The following KLF8 variants were observed in gnomAD, a reference collection of about 807,000 sequenced individuals.
The protein encoded by KLF8 is Krueppel-like factor 8.
A neutral mutation model predicts 18.2 loss-of-function variants in KLF8; 10 were observed. That is an observed-to-expected ratio of 0.55 (90% CI 0.34 to 0.93). The LOEUF (loss-of-function observed/expected upper bound fraction) is 0.93, where lower values mean the gene tolerates loss of function less well. Among genes scored for constraint, KLF8 ranks in the 40% least tolerant of loss-of-function variants. The pLI is 0.02. For synonymous variants in KLF8, 109 were observed against 97.3 expected (o/e 1.12, Z -0.71); for missense variants, 264 against 277.9 (o/e 0.95, Z 0.36).
chrX:56,045,381 CTT>C, the KLF8 span, among the ~76,000 whole-genome samples: 153 of 109,991 alleles, frequency 1.4e-3, no homozygotes, highest in African/African-American at 4.5e-3. Flanking sequence ...CCTATGAAAA[CTT>C]TTTTTTTCGT....
chrX:56,140,797 TA>T, the KLF8 span, among the ~76,000 whole-genome samples: 8,326 of 43,847 alleles, frequency 0.19, 494 homozygotes, highest in Non-Finnish European at 0.26. Flanking sequence ...GCCCCTCCAG[TA>T]AAAAAAAAAA....
At chrX:56,080,049 T>C in the KLF8 span, among the ~76,000 whole-genome samples, 2 of 111,265 alleles carry the variant, frequency 1.8e-5, no homozygotes, top group South Asian at 3.9e-4. Flanking sequence ...TGTCTCTGCA[T>C]GTGAGATGGG....
the KLF8 span, among the ~76,000 whole-genome samples, chrX:56,118,880 G>T: frequency 9.0e-6 from 1 of 111,416 alleles, no homozygotes; most frequent in Non-Finnish European, 1.9e-5. Context: ...TTCATTTGTT[G>T]TATATATGTA....
chrX:56,055,435 G>A, the KLF8 span, among the ~76,000 whole-genome samples: 1 of 111,847 alleles, frequency 8.9e-6, no homozygotes, highest in East Asian at 2.8e-4. Flanking sequence ...GAAGTTCACT[G>A]TTTGTCTGAT....
chrX:55,938,669 G>A, the KLF8 span, among the ~76,000 whole-genome samples: 2 of 110,847 alleles, frequency 1.8e-5, no homozygotes, highest in Admixed American at 9.6e-5. Flanking sequence ...AAAATAAAGG[G>A]ATGGAGGAAG....
chrX:56,154,596 T>A, the KLF8 span, among the ~76,000 whole-genome samples: 1 of 111,714 alleles, frequency 9.0e-6, no homozygotes, highest in Non-Finnish European at 1.9e-5. Flanking sequence ...AAGACAAAAT[T>A]GACAAATGGG....
the KLF8 span, among the ~76,000 whole-genome samples, chrX:55,981,665 T>C: frequency 1.8e-5 from 2 of 111,928 alleles, no homozygotes; most frequent in South Asian, 3.7e-4. Context: ...TGAATTAACC[T>C]CAAATTCACC....
the KLF8 span, among the ~76,000 whole-genome samples, chrX:55,923,223 G>GA: frequency 9.6e-6 from 1 of 103,966 alleles, no homozygotes; most frequent in Non-Finnish European, 1.9e-5. Context: ...AGTTAACACA[G>GA]AAAAAGAAAA....
At chrX:56,098,106 A>T in the KLF8 span, among the ~76,000 whole-genome samples, 1 of 111,525 alleles carries the variant, frequency 9.0e-6, no homozygotes, top group Admixed American at 9.6e-5. Flanking sequence ...CTGGTTGTTA[A>T]AAAGAGCCTG....
chrX:56,095,089 C>T, the KLF8 span, among the ~76,000 whole-genome samples: 1 of 110,990 alleles, frequency 9.0e-6, no homozygotes, highest in Non-Finnish European at 1.9e-5. Flanking sequence ...TATTATATTA[C>T]CTGAAAACAG....
the KLF8 span, among the ~76,000 whole-genome samples, chrX:55,941,779 C>T: frequency 1.8e-5 from 2 of 112,187 alleles, no homozygotes; most frequent in Non-Finnish European, 3.8e-5. Flanking sequence ...CTCATCATCA[C>T]TGGCCATCAG....
At chrX:56,032,419 C>T in the KLF8 span, among the ~76,000 whole-genome samples, 1 of 111,610 alleles carries the variant, frequency 9.0e-6, no homozygotes, top group African/African-American at 3.3e-5. Flanking sequence ...TCTGTAACCA[C>T]CACTATAATC....
At chrX:56,173,829 G>C in the KLF8 span, among the ~76,000 whole-genome samples, 3 of 111,446 alleles carry the variant, frequency 2.7e-5, no homozygotes, top group African/African-American at 9.8e-5. Flanking sequence ...CTTGTAAGTT[G>C]GATTCCTAGG....
Position 56,286,825 on chromosome X carries a change from C to T in KLF8, c.*2331C>T, listed in dbSNP as rs2067273262. The T allele has an allele frequency of 1.8e-5, 2 of 111,992 alleles. No individual in the cohort carries two copies. Among genetic ancestry groups the T allele is most frequent in the Middle Eastern group, 9.3e-3 (2 of 214 alleles). 9.2% of individuals were successfully genotyped at this position (111,992 alleles called of 1,213,427 possible). A position where few individuals can be genotyped will look rare whatever the true frequency, so the allele number is the denominator to read the frequency against. ...TCCAAACTTGCATAATAATTGCTAA[C>T]GCACTAGGCGATATCTAGGGCCAGT... On this transcript the variant is annotated 3_prime_UTR_variant, in exon 6 of 6. Transcript: ENST00000468660.
At chrX:56,141,130 AT>A in the KLF8 span, among the ~76,000 whole-genome samples, 1 of 110,769 alleles carries the variant, frequency 9.0e-6, no homozygotes, top group African/African-American at 3.3e-5. Context: ...CACCAGGCTA[AT>A]TTTTTTTATA....
At chrX:55,950,662 C>T in the KLF8 span, among the ~76,000 whole-genome samples, 31 of 111,724 alleles carry the variant, frequency 2.8e-4, no homozygotes, top group Admixed American at 2.7e-3. Context: ...TGGAAAAATC[C>T]TACTAATTCT....
the KLF8 span, among the ~76,000 whole-genome samples, chrX:56,188,090 G>C: frequency 3.9e-3 from 430 of 111,030 alleles, 1 homozygote; most frequent in Non-Finnish European, 6.8e-3. Flanking sequence ...AATTGTCCCT[G>C]TTTGCAGATG....
At chrX:56,006,205 A>C in the KLF8 span, among the ~76,000 whole-genome samples, 1 of 112,090 alleles carries the variant, frequency 8.9e-6, no homozygotes, top group Non-Finnish European at 1.9e-5. Flanking sequence ...TGCTCCTACT[A>C]TCTGTCTAAG....
chrX:56,080,586 T>C, the KLF8 span, among the ~76,000 whole-genome samples: 2 of 111,508 alleles, frequency 1.8e-5, no homozygotes, highest in Non-Finnish European at 3.8e-5. Flanking sequence ...TTAACATTTT[T>C]TCCTTCATTT....
Sources: gnomAD v4.1 joint callset for allele counts (sites outside exome capture counted in the v4.1 genomes callset) on GRCh38, gnomAD v4.1.1 for gene constraint, MANE v1.5 for transcripts, NCBI Gene and HGNC (gene_info 2026-07-23, HGNC 2026-07-21) for gene names.